Variants in THEMIS observed in about 807,000 individuals in gnomAD.
The protein encoded by THEMIS is thymocyte selection associated.
THEMIS carries 37 observed loss-of-function variants against 52.6 expected under a neutral mutation model. The observed-to-expected ratio is 0.70, with a 90% CI of 0.54 to 0.93. The LOEUF (loss-of-function observed/expected upper bound fraction) is 0.93. THEMIS is among the 40% of genes least tolerant of loss of function. THEMIS has a pLI of 0.00. For synonymous variants in THEMIS, 292 were observed against 272.7 expected, an observed-to-expected ratio of 1.07 and a Z score of -0.70; for missense variants, 808 against 763.1, an observed-to-expected ratio of 1.06 and a Z score of -0.69.
chr6:127,871,025 A>G (rs1780141019), intron 1 of THEMIS, among the ~76,000 whole-genome samples: 10 of 152,164 alleles, frequency 6.6e-5, no homozygotes, highest in Admixed American at 5.9e-4. Flanking sequence ...TTTACCTAAC[A>G]ACAGCAAAAT....
At chr6:127,729,111 A>G (rs893296089) in intron 4 of THEMIS, among the ~76,000 whole-genome samples, 7 of 128,386 alleles carry the variant, frequency 5.5e-5, no homozygotes, top group Non-Finnish European at 8.5e-5. Flanking sequence ...CAGATCCTCA[A>G]TTTCCATTCT....
chr6:127,741,561 T>C (rs1224746993), intron 4 of THEMIS, among the ~76,000 whole-genome samples: 1 of 152,292 alleles, frequency 6.6e-6, no homozygotes, highest in African/African-American at 2.4e-5. Context: ...CACACAAAAA[T>C]CCAGACGCAC....
intron 4 of THEMIS, among the ~76,000 whole-genome samples, chr6:127,799,703 C>T (rs899477407): frequency 1.3e-5 from 2 of 152,024 alleles, no homozygotes; most frequent in Non-Finnish European, 2.9e-5. Flanking sequence ...CTTTCACACT[C>T]GAACATACAC....
intron 4 of THEMIS, among the ~76,000 whole-genome samples, chr6:127,783,998 G>A (rs753964364): frequency 7.9e-5 from 12 of 152,208 alleles, no homozygotes; most frequent in Non-Finnish European, 1.2e-4. Context: ...AATGCCCATC[G>A]ATGGTAGACT....
At chr6:127,875,264 T>C (rs940173093) in intron 1 of THEMIS, among the ~76,000 whole-genome samples, 1 of 151,972 alleles carries the variant, frequency 6.6e-6, no homozygotes, top group Non-Finnish European at 1.5e-5. Flanking sequence ...AAATAAAGAG[T>C]TTATTTTGTT....
At chr6:127,885,519 G>C (rs1297327098) in intron 1 of THEMIS, among the ~76,000 whole-genome samples, 1 of 151,854 alleles carries the variant, frequency 6.6e-6, no homozygotes, top group Non-Finnish European at 1.5e-5. Flanking sequence ...AATTTTTAAG[G>C]GTAAAGGTCA....
chr6:127,726,632 A>T (rs1293231391), intron 4 of THEMIS, among the ~76,000 whole-genome samples: 1 of 152,156 alleles, frequency 6.6e-6, no homozygotes, highest in Non-Finnish European at 1.5e-5. Flanking sequence ...GGATCTAGGT[A>T]ATTTGATATC....
At chr6:127,825,306 T>C (rs1395558307) in intron 3 of THEMIS, among the ~76,000 whole-genome samples, 1 of 152,120 alleles carries the variant, frequency 6.6e-6, no homozygotes, top group Admixed American at 6.5e-5. Flanking sequence ...AAAACTGTCA[T>C]CACTAAGAAA....
intron 1 of THEMIS, among the ~76,000 whole-genome samples, chr6:127,856,403 A>G (rs1232870315): frequency 6.6e-6 from 1 of 151,942 alleles, no homozygotes; most frequent in South Asian, 2.1e-4. Context: ...GGCCATCTTT[A>G]AAAAGAGGCA....
In THEMIS at chr6:127,855,188, C is replaced by T. The variant is rs764007769; in HGVS notation, c.92G>A (p.Gly31Asp). 1.9e-6 allele frequency: 3 copies of T among 1,573,120 alleles called. No homozygotes were observed. Among genetic ancestry groups the T allele is most frequent in the Non-Finnish European group, 2.6e-6 (3 of 1,164,076 alleles). Residue 31 changes from glycine (G) to aspartate (D), a missense_variant and splice_region_variant, in exon 2 of 6, where the codon GGC becomes GAC. Physicochemically the swap from Gly to Asp is moderately conservative, Grantham distance 94 (BLOSUM62 -1). Transcript: ENST00000368248. ...LEIQAGIYLE[G>D]SIYEMFGNEC... ...ATTTCCAAACATTTCATAAATAGAG[C>T]CTAAAAGGAAAGAAAAGTTAAAACA...
At chr6:127,892,732 T>C (rs1235415484) in intron 1 of THEMIS, among the ~76,000 whole-genome samples, 2 of 152,190 alleles carry the variant, frequency 1.3e-5, no homozygotes, top group Non-Finnish European at 2.9e-5. Context: ...AGATAAATAT[T>C]ACCCAGTTGC....
chr6:127,876,810 A>T (rs191420398), intron 1 of THEMIS, among the ~76,000 whole-genome samples: 2 of 152,328 alleles, frequency 1.3e-5, no homozygotes, highest in Admixed American at 1.3e-4. Flanking sequence ...CATCTTGGAC[A>T]TACGTGGAAA....
At chr6:127,818,680 T>G (rs1435183270) in intron 3 of THEMIS, among the ~76,000 whole-genome samples, 1 of 151,336 alleles carries the variant, frequency 6.6e-6, no homozygotes, top group Non-Finnish European at 1.5e-5. Flanking sequence ...ATAGCACATA[T>G]TTGGGAATTA....
intron 1 of THEMIS, among the ~76,000 whole-genome samples, chr6:127,856,268 G>T (rs1331848174): frequency 2.0e-5 from 3 of 151,938 alleles, no homozygotes; most frequent in Admixed American, 6.6e-5. Context: ...ATTGATGGTT[G>T]CCAGAAAAGT....
chr6:127,740,076 G>C (rs149637228), intron 4 of THEMIS, among the ~76,000 whole-genome samples: 2 of 152,294 alleles, frequency 1.3e-5, no homozygotes, highest in African/African-American at 4.8e-5. Context: ...GGAGAAGAGA[G>C]CCCTGGACCT....
intron 4 of THEMIS, among the ~76,000 whole-genome samples, chr6:127,795,281 A>G (rs771362928): frequency 3.9e-5 from 6 of 152,236 alleles, no homozygotes; most frequent in African/African-American, 1.2e-4. Context: ...CTCCCAAATT[A>G]ATATGCTTAA....
chr6:127,731,627 G>A (rs1426148528), intron 4 of THEMIS, among the ~76,000 whole-genome samples: 1 of 145,134 alleles, frequency 6.9e-6, no homozygotes, highest in Non-Finnish European at 1.5e-5. Context: ...TATTGTTCAT[G>A]TGATTTTCAC....
At chr6:127,777,234 C>T (rs1583264851) in intron 4 of THEMIS, among the ~76,000 whole-genome samples, 1 of 146,936 alleles carries the variant, frequency 6.8e-6, no homozygotes, top group East Asian at 2.0e-4. Flanking sequence ...TTGCTTATTT[C>T]CTGCCTTACA....
At chr6:127,779,156 G>A (rs1439592219) in intron 4 of THEMIS, among the ~76,000 whole-genome samples, 3 of 152,088 alleles carry the variant, frequency 2.0e-5, no homozygotes, top group African/African-American at 7.2e-5. Context: ...CACATTCAGG[G>A]TTCAACGTGT....
Sources: allele counts gnomAD v4.1 joint callset (sites outside exome capture counted in the v4.1 genomes callset), GRCh38; gene constraint gnomAD v4.1.1; transcripts MANE v1.5; gene names NCBI Gene and HGNC (gene_info 2026-07-23, HGNC 2026-07-21).